BNC2: variants seen among roughly 807,000 people sequenced by gnomAD.
BNC2 encodes the protein zinc finger protein basonuclin-2.
A neutral mutation model predicts 76.3 loss-of-function variants in BNC2; 20 were observed. That is an observed-to-expected ratio of 0.26 (90% confidence interval 0.18 to 0.38). The LOEUF (loss-of-function observed/expected upper bound fraction) is 0.38, where lower values mean the gene tolerates loss of function less well. Ranked by LOEUF, BNC2 falls within the 10% of genes least tolerant of loss-of-function variation. The probability of loss-of-function intolerance (pLI) is 1.00; values close to 1 mark genes in which losing one functional copy is unlikely to be tolerated. For missense variants in BNC2, 1,382 were observed against 1,399.8 expected (o/e 0.99, Z 0.20); for synonymous variants, 582 against 514.8 (o/e 1.13, Z -1.77).
At chr9:16,429,014 G>C (rs984698611) in intron 6 of BNC2, among the ~76,000 whole-genome samples, 1 of 152,118 alleles carries the variant, frequency 6.6e-6, no homozygotes, top group Non-Finnish European at 1.5e-5. Context: ...TGGCACTCAA[G>C]AATCAAAGTT....
intron 1 of BNC2, among the ~76,000 whole-genome samples, chr9:16,800,043 G>A (rs978473554): frequency 3.9e-5 from 6 of 151,994 alleles, no homozygotes; most frequent in Non-Finnish European, 4.4e-5. Flanking sequence ...TGGACAACAT[G>A]GGGAAACCCC....
chr9:16,783,918 C>T (rs530210946), intron 1 of BNC2, among the ~76,000 whole-genome samples: 2 of 152,018 alleles, frequency 1.3e-5, no homozygotes, highest in Admixed American at 6.6e-5. Flanking sequence ...TTTAAAATAT[C>T]GATACATATA....
chr9:16,670,060 C>A (rs189631894), intron 3 of BNC2, among the ~76,000 whole-genome samples: 1 of 152,192 alleles, frequency 6.6e-6, no homozygotes, highest in Non-Finnish European at 1.5e-5. Flanking sequence ...CAAATAAGTA[C>A]TGAAAGCATG....
intron 3 of BNC2, among the ~76,000 whole-genome samples, chr9:16,656,571 A>G (rs1484500042): frequency 6.6e-6 from 1 of 152,210 alleles, no homozygotes; most frequent in Non-Finnish European, 1.5e-5. Context: ...GTGAGTTTGG[A>G]TATATGTATG....
At chr9:16,870,304 C>G (rs1438641693) in intron 1 of BNC2, among the ~76,000 whole-genome samples, 5 of 152,150 alleles carry the variant, frequency 3.3e-5, no homozygotes, top group Admixed American at 6.5e-5. Flanking sequence ...CCCCCCAGCC[C>G]GTCCCCAACG....
intron 5 of BNC2, among the ~76,000 whole-genome samples, chr9:16,479,407 CA>C (rs1821998871): frequency 6.6e-6 from 1 of 152,286 alleles, no homozygotes; most frequent in Admixed American, 6.5e-5. Flanking sequence ...CCAAAGAATA[CA>C]GCACCTAGCA....
intron 1 of BNC2, among the ~76,000 whole-genome samples, chr9:16,758,804 T>C (rs937188699): frequency 2.6e-5 from 4 of 152,304 alleles, no homozygotes; most frequent in African/African-American, 7.2e-5. Context: ...GCCAATTTAA[T>C]ATAAGGCTAA....
chr9:16,682,555 T>C (rs1415494022), intron 3 of BNC2, among the ~76,000 whole-genome samples: 1 of 152,124 alleles, frequency 6.6e-6, no homozygotes, highest in African/African-American at 2.4e-5. Context: ...CCACAGTTGT[T>C]CATTAATTAC....
chr9:16,854,561 T>C (rs1819206937), intron 1 of BNC2, among the ~76,000 whole-genome samples: 1 of 152,138 alleles, frequency 6.6e-6, no homozygotes, highest in African/African-American at 2.4e-5. Context: ...TCTTGCAATA[T>C]ATATCTTTTT....
intron 3 of BNC2, among the ~76,000 whole-genome samples, chr9:16,658,001 T>C (rs942788031): frequency 7.9e-5 from 12 of 152,204 alleles, no homozygotes; most frequent in African/African-American, 2.2e-4. Flanking sequence ...ACCCCCTAAG[T>C]AGAATAAACA....
chr9:16,720,776 C>G (rs2134867478), intron 3 of BNC2, among the ~76,000 whole-genome samples: 1 of 152,234 alleles, frequency 6.6e-6, no homozygotes, highest in South Asian at 2.1e-4. Flanking sequence ...TGTTTTTCCA[C>G]AAGCATTTCC....
intron 3 of BNC2, among the ~76,000 whole-genome samples, chr9:16,628,403 A>G (rs1337387): frequency 0.61 from 92,737 of 152,020 alleles, 29,926 homozygotes; most frequent in African/African-American, 0.83. Flanking sequence ...TTTTCAGAAA[A>G]TGTTGTCACT....
At chr9:16,840,225 C>T (rs995294542) in intron 1 of BNC2, among the ~76,000 whole-genome samples, 3 of 152,166 alleles carry the variant, frequency 2.0e-5, no homozygotes, top group Admixed American at 6.5e-5. Context: ...TTATCACATA[C>T]CCACTAAACC....
intron 3 of BNC2, among the ~76,000 whole-genome samples, chr9:16,675,071 C>T (rs1392455158): frequency 6.6e-6 from 1 of 152,186 alleles, no homozygotes; most frequent in Non-Finnish European, 1.5e-5. Context: ...ATTTCACACA[C>T]AGTGCAGGAA....
At chr9:16,677,574 AACAAACACAC>A (rs1463166003) in intron 3 of BNC2, among the ~76,000 whole-genome samples, 1 of 42,726 alleles carries the variant, frequency 2.3e-5, no homozygotes, top group African/African-American at 3.7e-4. Context: ...CTTTGTCTCA[AACAAACACAC>A]ACACACACAC....
intron 1 of BNC2, among the ~76,000 whole-genome samples, chr9:16,762,752 A>G (rs1370833629): frequency 6.6e-6 from 1 of 152,214 alleles, no homozygotes. Flanking sequence ...TCTGGATTCC[A>G]CAGAACATAT....
At chr9:16,742,346 T>C (rs1824876072) in intron 1 of BNC2, among the ~76,000 whole-genome samples, 1 of 152,254 alleles carries the variant, frequency 6.6e-6, no homozygotes, top group Non-Finnish European at 1.5e-5. Context: ...TTGCCTGATT[T>C]CTGTCTCCAG....
At chr9:16,750,725 A>G (rs780020440) in intron 1 of BNC2, among the ~76,000 whole-genome samples, 4 of 152,268 alleles carry the variant, frequency 2.6e-5, no homozygotes, top group Non-Finnish European at 5.9e-5. Context: ...ACTCTTTGTT[A>G]ATGAACGATT....
chr9:16,699,342 G>T, intron 3 of BNC2: 1 of 321,826 alleles, frequency 3.1e-6, no homozygotes, highest in Non-Finnish European at 6.1e-6. Flanking sequence ...TCAGTGCCTT[G>T]CTTCTGGGTT....
Sources: allele counts gnomAD v4.1 joint callset (sites outside exome capture counted in the v4.1 genomes callset), GRCh38; gene constraint gnomAD v4.1.1; transcripts MANE v1.5; gene names NCBI Gene and HGNC (gene_info 2026-07-23, HGNC 2026-07-21).